RNGTT: variants seen among roughly 807,000 people sequenced by gnomAD.
RNGTT encodes the protein RNA guanylyltransferase and 5'-phosphatase, also known as mRNA-capping enzyme.
A neutral mutation model predicts 79.3 loss-of-function variants in RNGTT; 33 were observed. That is an observed-to-expected ratio of 0.42 (90% CI 0.32 to 0.56). The LOEUF (loss-of-function observed/expected upper bound fraction) is 0.56. Among genes scored for constraint, RNGTT ranks in the 20% least tolerant of loss-of-function variants. The probability of loss-of-function intolerance (pLI) is 0.17; values close to 1 mark genes in which losing one functional copy is unlikely to be tolerated. For synonymous variants in RNGTT, 222 were observed against 235.9 expected, an observed-to-expected ratio of 0.94 and a Z score of 0.54; for missense variants, 497 against 739.1, an observed-to-expected ratio of 0.67 and a Z score of 3.80.
intron 13 of RNGTT, among the ~76,000 whole-genome samples, chr6:88,682,567 AC>A (rs1281292982): frequency 6.6e-6 from 1 of 152,148 alleles, no homozygotes; most frequent in Non-Finnish European, 1.5e-5. Flanking sequence ...TCCATAAAGC[AC>A]ATTTTTTTTC....
intron 11 of RNGTT, among the ~76,000 whole-genome samples, chr6:88,806,868 T>A (rs1423359934): frequency 6.6e-6 from 1 of 151,968 alleles, no homozygotes; most frequent in African/African-American, 2.4e-5. Flanking sequence ...ATAGACTGAA[T>A]AAAGAAAATA....
intron 13 of RNGTT, among the ~76,000 whole-genome samples, chr6:88,738,868 A>C (rs1983684): frequency 0.13 from 20,036 of 151,094 alleles, 1,464 homozygotes; most frequent in Middle Eastern, 0.22. Flanking sequence ...ACACACACAC[A>C]CCCCTTCCAA....
intron 14 of RNGTT, among the ~76,000 whole-genome samples, chr6:88,671,153 G>T (rs1403145740): frequency 6.6e-6 from 1 of 152,172 alleles, no homozygotes; most frequent in Admixed American, 6.5e-5. Context: ...CAGTAAAGAG[G>T]AAGTCAAACT....
At chr6:88,882,139 G>A (rs9359827) in intron 8 of RNGTT, among the ~76,000 whole-genome samples, 31,757 of 151,920 alleles carry the variant, frequency 0.21, 3,898 homozygotes, top group African/African-American at 0.32. Context: ...TAAACCCAAG[G>A]TCCAACTACC....
At chr6:88,714,382 G>C (rs979451699) in intron 13 of RNGTT, 4 of 152,018 alleles carry the variant, frequency 2.6e-5, no homozygotes, top group African/African-American at 9.7e-5. Flanking sequence ...CACAGCCCTA[G>C]CTAACCTAAG....
At chr6:88,710,471 GTTAT>G (rs1562209583) in intron 13 of RNGTT, among the ~76,000 whole-genome samples, 3 of 152,122 alleles carry the variant, frequency 2.0e-5, no homozygotes, top group South Asian at 2.1e-4. Flanking sequence ...CATTAAAATG[GTTAT>G]TTATTAGACA....
At chr6:88,817,749 A>T (rs111549926) in intron 11 of RNGTT, among the ~76,000 whole-genome samples, 1,464 of 71,342 alleles carry the variant, frequency 0.021, 32 homozygotes, top group African/African-American at 0.068. Flanking sequence ...TATTCACATC[A>T]TTTTTTTTTT....
intron 2 of RNGTT, among the ~76,000 whole-genome samples, chr6:88,930,669 G>C (rs1198095068): frequency 1.3e-5 from 2 of 152,104 alleles, no homozygotes; most frequent in Non-Finnish European, 2.9e-5. Context: ...AGGAAGAAAA[G>C]AGAAGCAGAC....
At chr6:88,774,174 C>A (rs186191659) in intron 12 of RNGTT, among the ~76,000 whole-genome samples, 2 of 152,176 alleles carry the variant, frequency 1.3e-5, no homozygotes, top group East Asian at 3.9e-4. Context: ...ATAAACATTT[C>A]TCCAAGGAAG....
At chr6:88,618,924 T>C (rs1772339535) in intron 14 of RNGTT, among the ~76,000 whole-genome samples, 1 of 152,230 alleles carries the variant, frequency 6.6e-6, no homozygotes, top group Non-Finnish European at 1.5e-5. Context: ...TCTACATCTA[T>C]TATCTAGAGT....
chr6:88,787,903 T>G (rs1176746931), intron 12 of RNGTT, among the ~76,000 whole-genome samples: 1 of 152,200 alleles, frequency 6.6e-6, no homozygotes. Flanking sequence ...ATTTCTGATT[T>G]AAGTAACTGC....
At chr6:88,824,749 T>A (rs1189424531) in intron 11 of RNGTT, among the ~76,000 whole-genome samples, 1 of 96,750 alleles carries the variant, frequency 1.0e-5, no homozygotes, top group East Asian at 2.4e-4. Flanking sequence ...GTTTGTTTTC[T>A]TTTTTTTTTT....
In RNGTT at chr6:88,666,130, T is replaced by G. The variant is rs143676840; in HGVS notation, c.1506+12223A>C. ...TCTGGTACCAAGTTACAAAGGGGGG[T>G]GACATGGAACCATTTGAATGGGGGT... On this transcript the variant is annotated intron_variant, in intron 14 of 15. Coordinates refer to ENST00000369485, the MANE Select transcript of RNGTT (RefSeq NM_003800.5). 2.1e-3 allele frequency among the ~76,000 whole-genome samples: 313 copies of G among 151,730 alleles called. 2 individuals carry two copies. The highest frequency in any genetic ancestry group is 7.4e-3 in the African/African-American group (305 of 41,342).
chr6:88,675,744 C>T (rs34177567), intron 14 of RNGTT, among the ~76,000 whole-genome samples: 17,555 of 149,686 alleles, frequency 0.12, 1,128 homozygotes, highest in Middle Eastern at 0.22. Flanking sequence ...CTAGCAACTA[C>T]CATTAAACAA....
intron 15 of RNGTT, among the ~76,000 whole-genome samples, chr6:88,613,244 T>C (rs1366572684): frequency 1.3e-5 from 2 of 152,222 alleles, no homozygotes; most frequent in Non-Finnish European, 2.9e-5. Context: ...ACGTGCACTA[T>C]AGTCCTTCAA....
At chr6:88,855,108 C>T (rs143679504) in intron 8 of RNGTT, among the ~76,000 whole-genome samples, 21 of 152,122 alleles carry the variant, frequency 1.4e-4, no homozygotes, top group African/African-American at 3.9e-4. Flanking sequence ...GAGGTACCAA[C>T]GAAAATGAAA....
intron 14 of RNGTT, among the ~76,000 whole-genome samples, chr6:88,653,228 T>TA (rs1773859595): frequency 6.6e-6 from 1 of 152,186 alleles, no homozygotes; most frequent in African/African-American, 2.4e-5. Context: ...CCTAAGTAGG[T>TA]AAAGTATTGC....
intron 8 of RNGTT, among the ~76,000 whole-genome samples, chr6:88,880,824 T>G (rs62428985): frequency 6.6e-6 from 1 of 152,164 alleles, no homozygotes; most frequent in Non-Finnish European, 1.5e-5. Flanking sequence ...TCACTTTCAA[T>G]TGATGTTGAA....
At chr6:88,899,530 G>A (rs998268352) in intron 6 of RNGTT, among the ~76,000 whole-genome samples, 8 of 151,896 alleles carry the variant, frequency 5.3e-5, no homozygotes, top group Non-Finnish European at 8.8e-5. Flanking sequence ...CTTCCGCCTC[G>A]GCCTCCCAAA....
Sources: gnomAD v4.1 joint callset for allele counts (sites outside exome capture counted in the v4.1 genomes callset) on GRCh38, gnomAD v4.1.1 for gene constraint, MANE v1.5 for transcripts, NCBI Gene and HGNC (gene_info 2026-07-23, HGNC 2026-07-21) for gene names.